FAM171A1: variants seen among roughly 807,000 people sequenced by gnomAD.
The protein encoded by FAM171A1 is family with sequence similarity 171 member A1, also known as protein FAM171A1.
FAM171A1 carries 23 observed loss-of-function variants against 74.9 expected under a neutral mutation model. That is an observed-to-expected ratio of 0.31 (90% confidence interval 0.22 to 0.44). The LOEUF is 0.44. Among genes scored for constraint, FAM171A1 ranks in the 20% least tolerant of loss-of-function variants. The pLI is 1.00. For synonymous variants in FAM171A1, 527 were observed against 505.7 expected (o/e 1.04, Z -0.57); for missense variants, 1,162 against 1,159.2 (o/e 1.00, Z -0.03).
chr10:15,278,861 C>A (rs1199038394), intron 2 of FAM171A1, among the ~76,000 whole-genome samples: 1 of 152,122 alleles, frequency 6.6e-6, no homozygotes, highest in East Asian at 1.9e-4. Flanking sequence ...TCCCGCATGA[C>A]CACTTCGTAG....
chr10:15,285,462 G>A (rs771939676), intron 1 of FAM171A1, among the ~76,000 whole-genome samples: 6 of 152,182 alleles, frequency 3.9e-5, no homozygotes, highest in Non-Finnish European at 1.5e-5. Flanking sequence ...GAAGAGGCAA[G>A]GCTGGAGAAT....
chr10:15,354,283 G>T (rs1835909858), intron 1 of FAM171A1, among the ~76,000 whole-genome samples: 2 of 152,046 alleles, frequency 1.3e-5, no homozygotes, highest in Admixed American at 1.3e-4. Context: ...ATCACCTGAG[G>T]TTGGGAGTTT....
chr10:15,254,374 C>T (rs1468103544), intron 4 of FAM171A1, among the ~76,000 whole-genome samples: 1 of 152,150 alleles, frequency 6.6e-6, no homozygotes, highest in South Asian at 2.1e-4. Context: ...GGCAGCTGGG[C>T]CAAAAACCCT....
At chr10:15,295,235 G>A (rs56229817) in intron 1 of FAM171A1, among the ~76,000 whole-genome samples, 1,979 of 152,250 alleles carry the variant, frequency 0.013, 44 homozygotes, top group African/African-American at 0.046. Context: ...ACCACGCCCG[G>A]CCAGCATGCC....
Position 15,232,511 on chromosome 10 carries a change from T to C in FAM171A1, c.755-11451A>G, listed in dbSNP as rs572755467. Among the ~76,000 whole-genome samples the C allele has an allele frequency of 3.9e-5, 6 of 152,328 alleles. No individual in the cohort carries two copies. In the East Asian group the frequency reaches 1.2e-3, roughly 29 times the overall value. The stretch of plus-strand genomic sequence containing the variant: ...CACAAAGAAGATGTTCAATAAATAT[T>C]TGCTGACCGAACGAACTGTTTGATT... On this transcript the variant is annotated intron_variant, in intron 5 of 7. Coordinates refer to ENST00000378116, the MANE Select transcript of FAM171A1 (RefSeq NM_001010924.2).
chr10:15,235,392 C>CCTCAATATT (rs1182458761), intron 5 of FAM171A1, among the ~76,000 whole-genome samples: 1 of 151,702 alleles, frequency 6.6e-6, no homozygotes, highest in African/African-American at 2.4e-5. Context: ...AATTCTCCTG[C>CCTCAATATT]CTCAATATTA....
chr10:15,216,726 C>G (rs1280397205), intron 6 of FAM171A1, among the ~76,000 whole-genome samples: 1 of 151,932 alleles, frequency 6.6e-6, no homozygotes, highest in Non-Finnish European at 1.5e-5. Context: ...AGCCACTGTG[C>G]CCAGCCATAT....
chr10:15,220,912 C>G (rs774749701), intron 6 of FAM171A1, 32 bp downstream of exon 6: 5 of 1,538,202 alleles, frequency 3.3e-6, no homozygotes, highest in Non-Finnish European at 3.6e-6. Flanking sequence ...AGCAACTGAT[C>G]CGCATCATCG....
Position 15,213,035 on chromosome 10 carries a change from G to A in FAM171A1, c.2553C>T (p.His851=), listed in dbSNP as rs1287721145. 1.2e-6 allele frequency: 2 copies of A among 1,613,788 alleles called. No homozygotes were observed. Among genetic ancestry groups the A allele is most frequent in the Non-Finnish European group, 1.7e-6 (2 of 1,180,002 alleles). ...DAPSEPAASP[H]QRRSAHEEEE... ...CTTCCTCGTGGGCAGATCTTCTCTG[G>A]TGGGGGCTGGCTGCTGGCTCCGAGG... Residue 851 remains histidine, a synonymous_variant, in exon 8 of 8, where the codon CAC becomes CAT. Transcript: ENST00000378116. The surrounding 1 kb of genome is among the most constrained non-coding windows in gnomAD (Gnocchi z 6.8).
chr10:15,269,776 C>T (rs1312708633), intron 3 of FAM171A1, among the ~76,000 whole-genome samples: 1 of 152,160 alleles, frequency 6.6e-6, no homozygotes, highest in Admixed American at 6.5e-5. Context: ...AGTGGGACAG[C>T]CCCTCCTTTT....
At chr10:15,231,641 G>A (rs1834207729) in intron 5 of FAM171A1, among the ~76,000 whole-genome samples, 4 of 150,942 alleles carry the variant, frequency 2.7e-5, no homozygotes, top group East Asian at 2.0e-4. Context: ...TGCCACACCC[G>A]CAAAATGCCC....
chr10:15,254,634 T>C lies in FAM171A1; in HGVS notation c.577+87A>G. On this transcript the variant is annotated intron_variant, in intron 4 of 7. Coordinates refer to ENST00000378116, the MANE Select transcript of FAM171A1 (RefSeq NM_001010924.2). ...CCTTCAGTGCCTTTCTCCCACATAG[T>C]GCTAAAACTCCCAATCATACCTAAA... is the stretch of plus-strand genomic sequence containing the variant. The C allele has an allele frequency of 3.5e-6, 5 of 1,443,036 alleles. 1 individual carries two copies. The Middle Eastern group carries it at 8.9e-4, about 258-fold the overall frequency. The allele number at this position is 1,443,036 out of a possible 1,614,324, so 89.4% of individuals were successfully genotyped here. A position where few individuals can be genotyped will look rare whatever the true frequency, so the allele number is the denominator to read the frequency against.
chr10:15,273,275 T>G (rs1342028624), intron 3 of FAM171A1, among the ~76,000 whole-genome samples: 1 of 152,034 alleles, frequency 6.6e-6, no homozygotes, highest in Non-Finnish European at 1.5e-5. Context: ...TCTATGCAAA[T>G]AAACTAGAAA....
At chr10:15,245,685 C>T (rs1409175447) in intron 5 of FAM171A1, among the ~76,000 whole-genome samples, 5 of 152,216 alleles carry the variant, frequency 3.3e-5, no homozygotes, top group Non-Finnish European at 1.5e-5. Context: ...ACCACTGTGC[C>T]CCCCAGACTC....
chr10:15,215,847 T>G (rs1325259060), intron 7 of FAM171A1, 149 bp downstream of exon 7: 5 of 570,064 alleles, frequency 8.8e-6, no homozygotes, highest in Non-Finnish European at 1.5e-5. Flanking sequence ...AGATCACAAA[T>G]GTGAGTTCTT....
chr10:15,259,260 C>T (rs971170918), intron 3 of FAM171A1, among the ~76,000 whole-genome samples: 1 of 152,134 alleles, frequency 6.6e-6, no homozygotes, highest in African/African-American at 2.4e-5. Flanking sequence ...CATCCAACAG[C>T]GTATGTTACC....
rs933886007 is a variant in FAM171A1, at chr10:15,266,625, G to A, written c.418+9230C>T. 6.0e-4 allele frequency among the ~76,000 whole-genome samples: 91 copies of A among 152,272 alleles called. 1 individual carries two copies. Among genetic ancestry groups the A allele is most frequent in the Admixed American group, 1.6e-3 (24 of 15,292 alleles). ...TCACACCTGTAACCCCAGCACTGTG[G>A]AAGGCTGAGGTGGGCGGATCACTTG... On this transcript the variant is annotated intron_variant, in intron 3 of 7. Coordinates refer to ENST00000378116, the MANE Select transcript of FAM171A1 (RefSeq NM_001010924.2).
intron 6 of FAM171A1, among the ~76,000 whole-genome samples, 192 bp from the exon 7 acceptor site, chr10:15,216,302 T>C (rs1833965832): frequency 6.6e-6 from 1 of 152,224 alleles, no homozygotes; most frequent in Non-Finnish European, 1.5e-5. Context: ...ATGACTATTA[T>C]GGAAGCTCCC....
intron 1 of FAM171A1, among the ~76,000 whole-genome samples, chr10:15,322,497 T>C (rs143116447): frequency 6.6e-6 from 1 of 152,340 alleles, no homozygotes; most frequent in Non-Finnish European, 1.5e-5. Flanking sequence ...TAGGTGGAGT[T>C]AGGGCTGATT....
Sources: allele counts gnomAD v4.1 joint callset (sites outside exome capture counted in the v4.1 genomes callset), GRCh38; gene constraint gnomAD v4.1.1; non-coding constraint Gnocchi (gnomAD v3.1); transcripts MANE v1.5; gene names NCBI Gene and HGNC (gene_info 2026-07-23, HGNC 2026-07-21).